AP3D1: variants seen among roughly 807,000 people sequenced by gnomAD.
The protein encoded by AP3D1 is adaptor related protein complex 3 subunit delta 1.
Under a neutral mutation model 147.6 loss-of-function variants are expected in AP3D1, and 51 were observed. That is an observed-to-expected ratio of 0.35 (90% CI 0.28 to 0.44). AP3D1 has a LOEUF of 0.44. Ranked by LOEUF, AP3D1 falls within the 20% of genes least tolerant of loss-of-function variation. AP3D1 has a pLI of 1.00. For synonymous variants in AP3D1, 760 were observed against 663.0 expected, an observed-to-expected ratio of 1.15 and a Z score of -2.25; for missense variants, 1,421 against 1,624.2, an observed-to-expected ratio of 0.87 and a Z score of 2.15.
At chr19:2,108,882 G>A (rs1378689127) in intron 30 of AP3D1, 116 bp from the exon 31 acceptor site, 2 of 1,347,170 alleles carry the variant, frequency 1.5e-6, no homozygotes, top group South Asian at 1.3e-5. Flanking sequence ...GAGGCCTGTA[G>A]GAGCAGGGTG....
Position 2,126,107 on chromosome 19 carries a change from G to A in AP3D1, c.856+1045C>T, listed in dbSNP as rs372623837. ...GCACCACTGCACACCAGCCTCAAGA[G>A]AGACGGGGTCTCACTCTGTCTGCAG... On this transcript the variant is annotated intron_variant, in intron 9 of 31. Coordinates refer to ENST00000643116, the MANE Select transcript of AP3D1 (RefSeq NM_001261826.3). Among the ~76,000 whole-genome samples, 122 of 149,676 alleles carry A rather than the reference G, an allele frequency of 8.2e-4. 1 individual carries two copies. The South Asian group carries it at 8.5e-3, about 10-fold the overall frequency.
At chr19:2,109,825 G>C in intron 29 of AP3D1, 48 bp downstream of exon 29, 2 of 1,562,776 alleles carry the variant, frequency 1.3e-6, no homozygotes, top group East Asian at 4.5e-5. Context: ...AAGGTAGAGG[G>C]GAGGCGGAGG....
chr19:2,158,357 GTT>G (rs556426847), intron 1 of AP3D1, among the ~76,000 whole-genome samples: 8 of 135,664 alleles, frequency 5.9e-5, no homozygotes, highest in East Asian at 2.2e-4. Flanking sequence ...TGCTCGACCT[GTT>G]TTTTTTTTTT....
chr19:2,138,547 T>C (rs1204463153), intron 2 of AP3D1, 72 bp downstream of exon 2: 1 of 1,167,458 alleles, frequency 8.6e-7, no homozygotes, highest in Non-Finnish European at 1.3e-6. Context: ...GACAGGCTGA[T>C]GAATAGGGGA....
At chr19:2,161,155 G>GA (rs2019693880) in intron 1 of AP3D1, among the ~76,000 whole-genome samples, 1 of 125,380 alleles carries the variant, frequency 8.0e-6, no homozygotes, top group Admixed American at 8.3e-5. Context: ...GCTTCTCCTA[G>GA]TTTTTTTTTT....
At chr19:2,123,448 C>T (rs1377765695) in intron 10 of AP3D1, 42 bp from the exon 11 acceptor site, 5 of 1,607,140 alleles carry the variant, frequency 3.1e-6, no homozygotes. Context: ...ATCCTCTAAA[C>T]CAAGGGTGAG....
At chr19:2,162,682 C>CA (rs5826757) in intron 1 of AP3D1, among the ~76,000 whole-genome samples, 77 of 148,090 alleles carry the variant, frequency 5.2e-4, no homozygotes, top group African/African-American at 1.6e-3. Context: ...CCCCCCCACT[C>CA]AAAAAAAAAA....
At chr19:2,110,102 T>G (rs751610165) in intron 28 of AP3D1, 34 bp downstream of exon 28, 1 of 1,603,186 alleles carries the variant, frequency 6.2e-7, no homozygotes, top group South Asian at 1.1e-5. Flanking sequence ...GCCTGCAGAG[T>G]CGGCTCTTCA....
intron 4 of AP3D1, 110 bp downstream of exon 4, chr19:2,136,901 A>AG: frequency 1.9e-6 from 2 of 1,034,178 alleles, no homozygotes; most frequent in South Asian, 2.8e-5. Context: ...CTCGCACTCA[A>AG]GGGGGCCACA....
At chr19:2,156,855 T>A (rs2019649370) in intron 1 of AP3D1, among the ~76,000 whole-genome samples, 1 of 150,164 alleles carries the variant, frequency 6.7e-6, no homozygotes, top group South Asian at 2.1e-4. Context: ...CTCAAAAAAC[T>A]AAATAAATAA....
intron 7 of AP3D1, 45 bp downstream of exon 7, chr19:2,129,273 T>C (rs1241500109): frequency 5.6e-6 from 9 of 1,603,358 alleles, no homozygotes; most frequent in Non-Finnish European, 6.8e-6. Flanking sequence ...GGTGAGGGAA[T>C]GCCCCACACA....
intron 6 of AP3D1, among the ~76,000 whole-genome samples, 195 bp from the exon 7 acceptor site, chr19:2,129,652 C>A (rs2018880432): frequency 6.6e-6 from 1 of 152,248 alleles, no homozygotes; most frequent in Non-Finnish European, 1.5e-5. Flanking sequence ...CCACAGCAGC[C>A]AGCTCCTGGC....
rs578129675 is a variant in AP3D1, at chr19:2,116,689, C to A, written c.1917G>T (p.Glu639Asp). 3.7e-6 allele frequency: 6 copies of A among 1,610,432 alleles called. No homozygotes were observed. In the Admixed American group the frequency reaches 6.7e-5, roughly 18 times the overall value. The change falls in exon 17 of 32, where the codon GAG (glutamate) becomes GAT (aspartate). Residue 639 changes from glutamate (E) to aspartate (D), a missense_variant. Physicochemically the swap from Glu to Asp is conservative, Grantham distance 45. Around this residue, in one of 6 missense-constraint regions of AP3D1, gnomAD observed 791 missense variants for 761.4 expected, o/e 1.04. Coordinates refer to ENST00000643116, the MANE Select transcript of AP3D1 (RefSeq NM_001261826.3). ...EPLSDSESED[E>D]RPRAVFHEEE... ...CCTCGTGGAAGACGGCCCTGGGCCT[C>A]TCGTCCTCTGACTCGCTGTCCGAGA...
intron 1 of AP3D1, chr19:2,164,232 G>A (rs1161212457): frequency 7.8e-7 from 1 of 1,289,672 alleles, no homozygotes; most frequent in East Asian, 3.0e-5. Flanking sequence ...TGGGGGCTGA[G>A]CCCGCCGTCT....
chr19:2,141,782 C>T (rs1048343424), intron 1 of AP3D1, among the ~76,000 whole-genome samples: 4 of 151,362 alleles, frequency 2.6e-5, no homozygotes, highest in Non-Finnish European at 5.9e-5. Flanking sequence ...CTCTATTGCA[C>T]AGGCTAAAGT....
chr19:2,111,841 G>A lies in AP3D1; in HGVS notation c.2788-13C>T, dbSNP rs1197940662. ...GCTTGGGAGATTTCTGGAGCAAGAG[G>A]AGGGTCGGGTTCAGTGCCCAGGCTG... On this transcript the variant is annotated splice_polypyrimidine_tract_variant and intron_variant, in intron 24 of 31. Coordinates refer to ENST00000643116, the MANE Select transcript of AP3D1 (RefSeq NM_001261826.3). 3.1e-6 allele frequency: 5 copies of A among 1,613,332 alleles called. No homozygotes were observed. Among genetic ancestry groups the A allele is most frequent in the Non-Finnish European group, 4.2e-6 (5 of 1,179,946 alleles).
chr19:2,110,302 G>A, intron 27 of AP3D1, 78 bp from the exon 28 acceptor site: 1 of 1,215,022 alleles, frequency 8.2e-7, no homozygotes, highest in East Asian at 2.4e-5. Flanking sequence ...TCTGTCCTCA[G>A]TCCCAAGTCC....
intron 23 of AP3D1, 71 bp downstream of exon 23, chr19:2,113,265 C>T: frequency 1.2e-6 from 1 of 842,910 alleles, no homozygotes; most frequent in Non-Finnish European, 1.8e-6. Flanking sequence ...AGACCCAGGG[C>T]TCTTCCCTGA....
upstream of AP3D1, among the ~76,000 whole-genome samples, chr19:2,154,810 A>G (rs1236970361): frequency 6.6e-6 from 1 of 152,224 alleles, no homozygotes; most frequent in Non-Finnish European, 1.5e-5. Context: ...TATTCATATG[A>G]GATCATACTA....
Sources: gnomAD v4.1 joint callset for allele counts (sites outside exome capture counted in the v4.1 genomes callset) on GRCh38, gnomAD v4.1.1 for gene constraint, gnomAD v4.1.1 regional missense constraint, MANE v1.5 for transcripts, NCBI Gene and HGNC (gene_info 2026-07-23, HGNC 2026-07-21) for gene names.